ADIPOR1: variants seen among roughly 807,000 people sequenced by gnomAD.
The protein encoded by ADIPOR1 is adiponectin receptor 1, also known as adiponectin receptor protein 1.
A neutral mutation model predicts 37.5 loss-of-function variants in ADIPOR1; 15 were observed. That is an observed-to-expected ratio of 0.40 (90% CI 0.27 to 0.62). The LOEUF is 0.62. ADIPOR1 is among the 20% of genes least tolerant of loss of function. ADIPOR1 has a pLI of 0.42. For missense variants in ADIPOR1, 286 were observed against 478.0 expected (o/e 0.60, Z 3.75); for synonymous variants, 173 against 173.2 (o/e 1.00, Z 0.01).
At chr1:202,951,433 C>T (rs1406792024) in intron 1 of ADIPOR1, among the ~76,000 whole-genome samples, 5 of 152,128 alleles carry the variant, frequency 3.3e-5, no homozygotes, top group African/African-American at 4.8e-5. Context: ...CAAACTGTCA[C>T]CATAGAAAAA....
Position 202,958,261 on chromosome 1 carries a change from G to A in ADIPOR1, c.-171C>T, listed in dbSNP as rs1159777621. The A allele has an allele frequency of 6.6e-6, 1 of 151,832 alleles. No individual in the cohort carries two copies. The highest frequency in any genetic ancestry group is 2.4e-5 in the African/African-American group (1 of 41,208). The allele number at this position is 151,832 out of a possible 1,614,324, so 9.4% of individuals were successfully genotyped here. ...GCGGCGCTGGAGGCGGCCTGCGGCC[G>A]AGCGGCCCCGATCTTCAGCGCCCTC... is the stretch of plus-strand genomic sequence containing the variant. On this transcript the variant is annotated 5_prime_UTR_variant, in exon 1 of 8. Transcript: ENST00000340990.
chr1:202,946,857 G>A (rs541600092), intron 3 of ADIPOR1, among the ~76,000 whole-genome samples: 1 of 151,820 alleles, frequency 6.6e-6, no homozygotes, highest in Admixed American at 6.6e-5. Context: ...GCTCATGCCT[G>A]TAATCTTAGC....
At chr1:202,957,975 G>A (rs563734013) in intron 1 of ADIPOR1, among the ~76,000 whole-genome samples, 4 of 152,202 alleles carry the variant, frequency 2.6e-5, no homozygotes, top group African/African-American at 9.6e-5. Flanking sequence ...CCTCGGAGGC[G>A]GCGCGCAGTG....
chr1:202,945,242 G>A (rs1236884895), intron 4 of ADIPOR1, 73 bp from the exon 5 acceptor site: 2 of 1,333,526 alleles, frequency 1.5e-6, no homozygotes, highest in Non-Finnish European at 2.0e-6. Flanking sequence ...TGATGTTTTT[G>A]AATCAGAGAG....
chr1:202,951,312 T>C lies in ADIPOR1; in HGVS notation c.-94-148A>G, dbSNP rs536345143. On this transcript the variant is annotated intron_variant, in intron 1 of 7. Transcript: ENST00000340990. ...TAATTGCTTAAATGAAATCTATTCC[T>C]GTCCTCCCTCTTTAATGTCAACCTT... The C allele has an allele frequency of 3.3e-5, 17 of 508,704 alleles. No homozygotes were observed. The South Asian group carries it at 4.6e-4, about 14-fold the overall frequency. The allele number at this position is 508,704 out of a possible 1,614,324, so 31.5% of individuals were successfully genotyped here.
At chr1:202,943,102 A>C (rs1419313481) in intron 6 of ADIPOR1, among the ~76,000 whole-genome samples, 3 of 146,832 alleles carry the variant, frequency 2.0e-5, no homozygotes, top group African/African-American at 7.5e-5. Flanking sequence ...TCCTGACTTC[A>C]AGTGATCCGC....
intron 2 of ADIPOR1, among the ~76,000 whole-genome samples, chr1:202,948,894 C>A (rs1412389922): frequency 6.6e-6 from 1 of 151,816 alleles, no homozygotes; most frequent in African/African-American, 2.4e-5. Context: ...CGGGTTCAAG[C>A]AATTCTCATG....
At chr1:202,944,945 A>C in intron 5 of ADIPOR1, 38 bp downstream of exon 5, 3 of 1,542,534 alleles carry the variant, frequency 1.9e-6, no homozygotes, top group Non-Finnish European at 2.7e-6. Flanking sequence ...ATGTGACAAC[A>C]GTGCACAGTA....
At chr1:202,956,353 A>G (rs1487332048) in intron 1 of ADIPOR1, among the ~76,000 whole-genome samples, 1 of 152,222 alleles carries the variant, frequency 6.6e-6, no homozygotes, top group Non-Finnish European at 1.5e-5. Context: ...GAAATTTCCT[A>G]TGGGAATAGA....
At chr1:202,956,374 A>C (rs1654784467) in intron 1 of ADIPOR1, among the ~76,000 whole-genome samples, 1 of 152,198 alleles carries the variant, frequency 6.6e-6, no homozygotes, top group African/African-American at 2.4e-5. Flanking sequence ...GAACAAATAC[A>C]CTGGCCTAGA....
intron 4 of ADIPOR1, among the ~76,000 whole-genome samples, chr1:202,945,808 G>C (rs1654285204): frequency 6.6e-6 from 1 of 152,134 alleles, no homozygotes; most frequent in South Asian, 2.1e-4. Flanking sequence ...TGGGAGCTAA[G>C]CTATGAGTAC....
intron 1 of ADIPOR1, among the ~76,000 whole-genome samples, chr1:202,957,466 G>C (rs1654827679): frequency 1.4e-5 from 2 of 146,668 alleles, no homozygotes; most frequent in South Asian, 4.3e-4. Context: ...CAGAAACTGA[G>C]GGAAAAAAAA....
At chr1:202,944,489 A>AATAGAAC (rs1221781111) in intron 5 of ADIPOR1, 1 of 154,212 alleles carries the variant, frequency 6.5e-6, no homozygotes, top group Non-Finnish European at 1.4e-5. Flanking sequence ...CAAGCAAACA[A>AATAGAAC]ATAGAACCTC....
chr1:202,949,362 C>T lies in ADIPOR1; in HGVS notation c.142-942G>A, dbSNP rs565452347. ...TTGGGAGGCCGAGGCGGGCGGATCA[C>T]GAGGTCAGGAGATCGAGACCATCCT... On this transcript the variant is annotated intron_variant, in intron 2 of 7. Transcript: ENST00000340990. Among the ~76,000 whole-genome samples the T allele has an allele frequency of 4.2e-3, 639 of 151,300 alleles. 4 individuals are homozygous for T. The highest frequency in any genetic ancestry group is 7.8e-3 in the Non-Finnish European group (526 of 67,736).
In ADIPOR1 at chr1:202,941,436, G is replaced by A. The variant is rs1654078670; in HGVS notation, c.*137C>T. The A allele has an allele frequency of 5.4e-6, 6 of 1,114,076 alleles. No homozygotes were observed. In the South Asian group the frequency reaches 8.0e-5, roughly 15 times the overall value. The allele number at this position is 1,114,076 out of a possible 1,614,324, so 69.0% of individuals were successfully genotyped here. On this transcript the variant is annotated 3_prime_UTR_variant, in exon 8 of 8. Coordinates refer to ENST00000340990, the MANE Select transcript of ADIPOR1 (RefSeq NM_015999.6). ...TGCCCAGTGGGTGTGAAAGTGGGCT[G>A]AAGCTTGGTTGGTACTGAATTCTCT...
At chr1:202,955,228 CT>C (rs113380422) in intron 1 of ADIPOR1, among the ~76,000 whole-genome samples, 255 of 146,592 alleles carry the variant, frequency 1.7e-3, no homozygotes, top group Non-Finnish European at 2.2e-3. Context: ...CAACAGAAGT[CT>C]TTTTTTTTTT....
chr1:202,946,638 G>A (rs751607605), intron 3 of ADIPOR1, 28 bp from the exon 4 acceptor site: 2 of 1,612,238 alleles, frequency 1.2e-6, no homozygotes, highest in Non-Finnish European at 1.7e-6. Flanking sequence ...TCTCTGGGTA[G>A]GGCACTAGAT....
In ADIPOR1 at chr1:202,943,956, C is replaced by T; in HGVS notation, c.618-11G>A. 2 of 1,602,726 alleles carry T rather than the reference C, an allele frequency of 1.2e-6. No individual in the cohort carries two copies. The highest frequency in any genetic ancestry group is 1.7e-6 in the Non-Finnish European group (2 of 1,172,682). On this transcript the variant is annotated splice_polypyrimidine_tract_variant and intron_variant, in intron 5 of 7. Transcript: ENST00000340990. ...CCTGAATAGTCCAGTCTAAAAAGAA[C>T]CACAAAAATGAAACAAATCAGTGGG...
In ADIPOR1 at chr1:202,943,959, C is replaced by T. The variant is rs1558010407; in HGVS notation, c.618-14G>A. The T allele has an allele frequency of 3.1e-6, 5 of 1,600,524 alleles. No individual in the cohort carries two copies. Among genetic ancestry groups the T allele is most frequent in the Middle Eastern group, 1.7e-4 (1 of 5,992 alleles). Reference sequence around the variant, plus strand: ...GAATAGTCCAGTCTAAAAAGAACCACAAAAATGAAACAAATCAGTGGGGGA... The same window carrying T: ...GAATAGTCCAGTCTAAAAAGAACCATAAAAATGAAACAAATCAGTGGGGGA... On this transcript the variant is annotated splice_polypyrimidine_tract_variant and intron_variant, in intron 5 of 7. Coordinates refer to ENST00000340990, the MANE Select transcript of ADIPOR1 (RefSeq NM_015999.6).
Sources: gnomAD v4.1 joint callset for allele counts (sites outside exome capture counted in the v4.1 genomes callset) on GRCh38, gnomAD v4.1.1 for gene constraint, MANE v1.5 for transcripts, NCBI Gene and HGNC (gene_info 2026-07-23, HGNC 2026-07-21) for gene names.